The following FHIT variants were observed in gnomAD, a reference collection of about 807,000 sequenced individuals.
The protein encoded by FHIT is fragile histidine triad diadenosine triphosphatase.
Under a neutral mutation model 17.9 loss-of-function variants are expected in FHIT, and 19 were observed. The ratio of observed to expected loss-of-function variants is 1.06; its 90% CI spans 0.74 to 1.56. The LOEUF (loss-of-function observed/expected upper bound fraction) is 1.56. Among genes scored for constraint, FHIT ranks in the 40% most tolerant of loss-of-function variants. The probability of loss-of-function intolerance (pLI) is 0.00; values close to 1 mark genes in which losing one functional copy is unlikely to be tolerated. For missense variants in FHIT, 248 were observed against 189.2 expected (o/e 1.31, Z -1.82); for synonymous variants, 81 against 69.7 (o/e 1.16, Z -0.81).
At chr3:60,360,250 G>C (rs1015718919) in intron 5 of FHIT, among the ~76,000 whole-genome samples, 14 of 150,382 alleles carry the variant, frequency 9.3e-5, no homozygotes, top group African/African-American at 3.4e-4. Flanking sequence ...TTTTTTTTTT[G>C]AGATGGAGTC....
chr3:59,871,098 C>T (rs1048518254), intron 8 of FHIT, among the ~76,000 whole-genome samples: 2 of 152,142 alleles, frequency 1.3e-5, no homozygotes, highest in African/African-American at 4.8e-5. Context: ...AGACTGACAA[C>T]TTGCATTTCT....
chr3:60,986,224 C>G (rs1395273198), intron 3 of FHIT, among the ~76,000 whole-genome samples: 1 of 152,226 alleles, frequency 6.6e-6, no homozygotes, highest in Non-Finnish European at 1.5e-5. Flanking sequence ...CCAAGTGATG[C>G]TGATCCTGAT....
At chr3:60,528,012 AG>A (rs1213995894) in intron 5 of FHIT, among the ~76,000 whole-genome samples, 1 of 152,222 alleles carries the variant, frequency 6.6e-6, no homozygotes, top group African/African-American at 2.4e-5. Context: ...CTTGCTCTGC[AG>A]CCCAGGCTAG....
intron 1 of FHIT, among the ~76,000 whole-genome samples, chr3:61,202,343 G>C (rs1253401386): frequency 6.6e-6 from 1 of 151,290 alleles, no homozygotes; most frequent in Non-Finnish European, 1.5e-5. Flanking sequence ...CGCCCTGTCT[G>C]GGAAGTGAGG....
intron 5 of FHIT, among the ~76,000 whole-genome samples, chr3:60,074,973 A>G (rs939557934): frequency 6.6e-6 from 1 of 152,086 alleles, no homozygotes; most frequent in Non-Finnish European, 1.5e-5. Context: ...GAATGGGTGA[A>G]TGTTACAGCA....
chr3:60,426,411 C>CT (rs1313850421), intron 5 of FHIT, among the ~76,000 whole-genome samples: 1 of 152,064 alleles, frequency 6.6e-6, no homozygotes, highest in Non-Finnish European at 1.5e-5. Flanking sequence ...CACGAATTCC[C>CT]TCCCTACTGC....
intron 3 of FHIT, among the ~76,000 whole-genome samples, chr3:60,928,852 C>T (rs1707796974): frequency 6.6e-6 from 1 of 152,176 alleles, no homozygotes; most frequent in Admixed American, 6.5e-5. Context: ...GGAATCCTCC[C>T]TAACTCATTT....
intron 4 of FHIT, among the ~76,000 whole-genome samples, chr3:60,795,100 C>A (rs1210810863): frequency 6.6e-6 from 1 of 152,204 alleles, no homozygotes; most frequent in Non-Finnish European, 1.5e-5. Context: ...ACACAATGCT[C>A]TGCATCTTGC....
chr3:60,127,370 G>A (rs909516909), intron 5 of FHIT, among the ~76,000 whole-genome samples: 1 of 152,014 alleles, frequency 6.6e-6, no homozygotes, highest in Non-Finnish European at 1.5e-5. Flanking sequence ...TAATCTTCAT[G>A]GCAGAAAAGT....
intron 4 of FHIT, among the ~76,000 whole-genome samples, chr3:60,723,097 T>C (rs1433075912): frequency 3.9e-5 from 6 of 152,174 alleles, no homozygotes; most frequent in Non-Finnish European, 8.8e-5. Context: ...TAGACTCTTC[T>C]TCCTCAGAGA....
chr3:60,923,614 T>C (rs530615341), intron 3 of FHIT, among the ~76,000 whole-genome samples: 6 of 152,280 alleles, frequency 3.9e-5, no homozygotes, highest in Non-Finnish European at 4.4e-5. Context: ...AGCTCCAGTC[T>C]ACAGCTCCCA....
intron 5 of FHIT, among the ~76,000 whole-genome samples, chr3:60,015,878 T>C (rs552568221): frequency 9.8e-5 from 15 of 152,322 alleles, no homozygotes; most frequent in East Asian, 9.6e-4. Flanking sequence ...AAAAAACTTA[T>C]TGTTTGTCAA....
chr3:59,790,970 C>T (rs1392531469), intron 8 of FHIT, among the ~76,000 whole-genome samples: 1 of 152,176 alleles, frequency 6.6e-6, no homozygotes. Flanking sequence ...AACTTCTATT[C>T]ACCCTTCAGG....
chr3:60,469,271 A>G (rs1341191224), intron 5 of FHIT, among the ~76,000 whole-genome samples: 1 of 151,770 alleles, frequency 6.6e-6, no homozygotes, highest in Admixed American at 6.6e-5. Context: ...CCTCCTCTTT[A>G]AGGCCAATAA....
At chr3:59,880,480 T>A (rs1482584370) in intron 8 of FHIT, among the ~76,000 whole-genome samples, 1 of 152,096 alleles carries the variant, frequency 6.6e-6, no homozygotes, top group East Asian at 1.9e-4. Context: ...TCTTCTCTAG[T>A]AGGGATTAAG....
At chr3:60,621,379 G>A (rs903375588) in intron 4 of FHIT, among the ~76,000 whole-genome samples, 2 of 151,946 alleles carry the variant, frequency 1.3e-5, no homozygotes, top group East Asian at 3.9e-4. Flanking sequence ...TCGAACTCCT[G>A]ACCTCATGAT....
chr3:60,604,028 C>T (rs1330678659), intron 4 of FHIT, among the ~76,000 whole-genome samples: 4 of 152,142 alleles, frequency 2.6e-5, no homozygotes, highest in African/African-American at 9.7e-5. Context: ...CTACTATGTA[C>T]TAGGCACTGC....
intron 4 of FHIT, among the ~76,000 whole-genome samples, chr3:60,600,377 G>C (rs1553668344): frequency 1.3e-5 from 2 of 150,950 alleles, no homozygotes; most frequent in Non-Finnish European, 3.0e-5. Context: ...GAAAAAAATA[G>C]TGCATCTGTC....
At chr3:60,818,971 AT>A (rs1390353869) in intron 4 of FHIT, among the ~76,000 whole-genome samples, 3 of 151,506 alleles carry the variant, frequency 2.0e-5, no homozygotes, top group Non-Finnish European at 4.4e-5. Context: ...CCCCTCCAGA[AT>A]CTGTCTGCTT....
Sources: allele counts gnomAD v4.1 joint callset (sites outside exome capture counted in the v4.1 genomes callset), GRCh38; gene constraint gnomAD v4.1.1; transcripts MANE v1.5; gene names NCBI Gene and HGNC (gene_info 2026-07-23, HGNC 2026-07-21).